Variants in HMCN2 observed in about 807,000 individuals in gnomAD.
HMCN2 encodes the protein hemicentin-2.
Under a neutral mutation model 377.5 loss-of-function variants are expected in HMCN2, and 325 were observed. The observed-to-expected ratio is 0.86, with a 90% CI of 0.79 to 0.94. The LOEUF (loss-of-function observed/expected upper bound fraction) is 0.94. HMCN2 is among the 40% of genes least tolerant of loss of function. The pLI, the probability that HMCN2 is intolerant of heterozygous loss-of-function variation, is 0.00. For synonymous variants in HMCN2, 2,007 were observed against 2,046.8 expected (o/e 0.98, Z 0.53); for missense variants, 4,543 against 4,725.3 (o/e 0.96, Z 1.13).
At chr9:130,329,725 G>A (rs2131430560) in intron 22 of HMCN2, among the ~76,000 whole-genome samples, 1 of 152,292 alleles carries the variant, frequency 6.6e-6, no homozygotes, top group South Asian at 2.1e-4. Flanking sequence ...TTACAGGCGT[G>A]AGCCACTGTG....
At position 130,394,510 on chromosome 9, in the gene HMCN2, C is replaced by A. The variant is rs1473500503; in HGVS notation, c.10627C>A (p.Gln3543Lys). Reference protein sequence around the residue: ...QPNITWHKDGQALTRLENNSR... With the variant: ...QPNITWHKDGKALTRLENNSR... The stretch of plus-strand genomic sequence containing the variant: ...CAACATCACCTGGCATAAGGACGGG[C>A]AGGCCCTGACCAGGCTGGAGAACAA... The change falls in exon 69 of 98, where the codon CAG (glutamine) becomes AAG (lysine). Residue 3543 changes from glutamine to lysine, a missense_variant. Physicochemically the swap from Gln to Lys is moderately conservative, Grantham distance 53. Around this residue, in one of 5 missense-constraint regions of HMCN2, gnomAD observed 1,073 missense variants for 1,319.5 expected, o/e 0.81. Coordinates refer to ENST00000683500, the MANE Select transcript of HMCN2 (RefSeq NM_001291815.2). This position sits in a 1 kb window ranked among gnomAD's most constrained non-coding sequence, Gnocchi z 5.1. The A allele has an allele frequency of 7.8e-7, 1 of 1,289,836 alleles. No individual in the cohort carries two copies. Among genetic ancestry groups the A allele is most frequent in the Non-Finnish European group, 1.0e-6 (1 of 988,866 alleles). The allele number at this position is 1,289,836 out of a possible 1,614,324, so 79.9% of individuals were successfully genotyped here. A position where few individuals can be genotyped will look rare whatever the true frequency, so the allele number is the denominator to read the frequency against.
chr9:130,327,055 C>T (rs1187839423), intron 21 of HMCN2, among the ~76,000 whole-genome samples: 4 of 141,286 alleles, frequency 2.8e-5, no homozygotes, highest in South Asian at 5.2e-4. Context: ...CAGGAGGGAC[C>T]GGGTCAGGGT....
Position 130,303,400 on chromosome 9 carries a change from T to C in HMCN2, c.1422-87T>C, listed in dbSNP as rs1278656094. 2.9e-6 allele frequency: 1 copy of C among 339,588 alleles called. No individual in the cohort carries two copies. The highest frequency in any genetic ancestry group is 6.3e-6 in the Non-Finnish European group (1 of 158,858). The allele number at this position is 339,588 out of a possible 1,614,324, so 21.0% of individuals were successfully genotyped here. On this transcript the variant is annotated intron_variant, in intron 9 of 97. Transcript: ENST00000683500. The surrounding 1 kb of genome is among the most constrained non-coding windows in gnomAD (Gnocchi z 5.2). ...CACAGAGGAATTGGGGTCTCTCGTT[T>C]GGGCAGGATTCAGGGGACTGAAGTC...
chr9:130,348,948 C>T (rs1279877606), intron 27 of HMCN2, 36 bp from the exon 28 acceptor site: 1 of 1,293,882 alleles, frequency 7.7e-7, no homozygotes, highest in East Asian at 5.6e-5. Context: ...TGGCTGGATC[C>T]CCTCTTACTG....
Position 130,361,858 on chromosome 9 carries a change from G to T in HMCN2, c.5951-150G>T. ...AAGGATGGAAGTAGCAGCCTTGGGG[G>T]CAGTGGAGTGGCTCAGAGCCCGTGT... On this transcript the variant is annotated intron_variant, in intron 38 of 97. Transcript: ENST00000683500. This position sits in a 1 kb window ranked among gnomAD's most constrained non-coding sequence, Gnocchi z 4.8. 1 of 262,908 alleles carries T rather than the reference G, an allele frequency of 3.8e-6. No individual in the cohort carries two copies. The highest frequency in any genetic ancestry group is 5.9e-6 in the Non-Finnish European group (1 of 169,332). The allele number at this position is 262,908 out of a possible 1,614,324, so 16.3% of individuals were successfully genotyped here.
intron 15 of HMCN2, among the ~76,000 whole-genome samples, chr9:130,314,770 G>A (rs1304018484): frequency 6.6e-6 from 1 of 152,192 alleles, no homozygotes; most frequent in Non-Finnish European, 1.5e-5. Flanking sequence ...GCAGAGGCTG[G>A]GGTGTGGACT....
chr9:130,405,978 C>T lies in HMCN2; in HGVS notation c.12363C>T (p.Thr4121=), dbSNP rs963507595. 1.6e-6 allele frequency: 2 copies of T among 1,289,452 alleles called. No individual in the cohort carries two copies. The highest frequency in any genetic ancestry group is 2.0e-6 in the Non-Finnish European group (2 of 988,716). 79.9% of individuals were successfully genotyped at this position (1,289,452 alleles called of 1,614,324 possible). The change falls in exon 82 of 98, where the codon ACC becomes ACT. Residue 4121 remains threonine, a synonymous_variant. Coordinates refer to ENST00000683500, the MANE Select transcript of HMCN2 (RefSeq NM_001291815.2). The part of the protein sequence containing the change: ...NLEGQDAGTY[T]CTAENAVGRA... The stretch of plus-strand genomic sequence containing the variant: ...AGGGCCAGGACGCAGGCACCTATAC[C>T]TGTACCGCTGAGAACGCCGTGGGCC...
intron 48 of HMCN2, among the ~76,000 whole-genome samples, chr9:130,373,707 AGATG>A (rs942219791): frequency 8.7e-6 from 1 of 115,354 alleles, no homozygotes; most frequent in African/African-American, 3.2e-5. Flanking sequence ...ATGGATAGGT[AGATG>A]GATGGATGGA....
Position 130,337,707 on chromosome 9 carries a change from T to G in HMCN2, c.3360-187T>G, listed in dbSNP as rs992274014. ...CAGTGCTCTTCTTCTCTTACACCAG[T>G]AGGCGTGAGAACTGGCCCTGGCCTG... On this transcript the variant is annotated intron_variant, in intron 22 of 97. Transcript: ENST00000683500. Among the ~76,000 whole-genome samples, 19 of 138,048 alleles carry G rather than the reference T, an allele frequency of 1.4e-4. 1 individual carries two copies. Among genetic ancestry groups the G allele is most frequent in the Admixed American group, 4.0e-4 (5 of 12,356 alleles). 90.6% of individuals were successfully genotyped at this position (138,048 alleles called of 152,430 possible).
At chr9:130,345,669 G>T (rs905585232) in intron 25 of HMCN2, among the ~76,000 whole-genome samples, 1 of 151,746 alleles carries the variant, frequency 6.6e-6, no homozygotes, top group Non-Finnish European at 1.5e-5. Flanking sequence ...AGTGGGGAGT[G>T]GGGGTAGCAG....
intron 1 of HMCN2, among the ~76,000 whole-genome samples, chr9:130,277,922 T>C (rs28409546): frequency 0.016 from 145 of 9,076 alleles, 29 homozygotes; most frequent in African/African-American, 0.045. Context: ...ACCACCACCA[T>C]CATCATCATC....
chr9:130,424,214 T>C (rs7874171), intron 87 of HMCN2, among the ~76,000 whole-genome samples: 24,074 of 149,062 alleles, frequency 0.16, 2,483 homozygotes, highest in East Asian at 0.41. Context: ...AGTCTCGCTC[T>C]GTCACCCAGG....
intron 75 of HMCN2, 141 bp downstream of exon 75, chr9:130,398,848 T>G (rs1201555957): frequency 2.8e-6 from 2 of 706,650 alleles, no homozygotes; most frequent in African/African-American, 3.7e-5. Flanking sequence ...TGTCTCAACT[T>G]TGGGGATCAG....
At chr9:130,337,444 G>T (rs1299603801) in intron 22 of HMCN2, among the ~76,000 whole-genome samples, 2 of 152,144 alleles carry the variant, frequency 1.3e-5, no homozygotes, top group African/African-American at 4.8e-5. Context: ...TGTGGCAGAG[G>T]AGGGGGAGTT....
At chr9:130,298,045 C>T (rs1836262787) in intron 7 of HMCN2, among the ~76,000 whole-genome samples, 1 of 152,190 alleles carries the variant, frequency 6.6e-6, no homozygotes, top group Non-Finnish European at 1.5e-5. Context: ...ACCTCTGCCT[C>T]CTGGATTCAA....
chr9:130,419,713 C>G (rs11791566), intron 86 of HMCN2: 3 of 146,150 alleles, frequency 2.1e-5, no homozygotes, highest in African/African-American at 8.4e-5. Context: ...GGAACACTCC[C>G]TATGTGTGGC....
At position 130,407,724 on chromosome 9, in the gene HMCN2, G is replaced by A; in HGVS notation, c.12688+19G>A. ...GTGAAGGGTAGGGCACATTCCCCAG[G>A]TGGCTTCTCTCTCAAGACCTCCAGT... On this transcript the variant is annotated intron_variant, in intron 83 of 97. Coordinates refer to ENST00000683500, the MANE Select transcript of HMCN2 (RefSeq NM_001291815.2). The A allele has an allele frequency of 8.4e-7, 1 of 1,190,398 alleles. No individual in the cohort carries two copies. The highest frequency in any genetic ancestry group is 1.1e-6 in the Non-Finnish European group (1 of 938,412). The allele number at this position is 1,190,398 out of a possible 1,614,324, so 73.7% of individuals were successfully genotyped here. A position where few individuals can be genotyped will look rare whatever the true frequency, so the allele number is the denominator to read the frequency against.
intron 22 of HMCN2, among the ~76,000 whole-genome samples, chr9:130,337,330 G>A (rs1386991853): frequency 1.3e-5 from 2 of 152,150 alleles, no homozygotes; most frequent in African/African-American, 4.8e-5. Context: ...AGTTCTGGAC[G>A]TAAGAGCACC....
Position 130,348,598 on chromosome 9 carries a change from G to A in HMCN2, c.4078G>A (p.Gly1360Arg), listed in dbSNP as rs767221414. ...CAAGGCCAACGTGTCGGGTATGGCC[G>A]GGCAGTCCCTGACGCTGGAGTGTGA... Reference protein sequence around the residue: ...GRKANVSGMAGQSLTLECDAN... With the variant: ...GRKANVSGMARQSLTLECDAN... Residue 1360 changes from glycine (G) to arginine (R), a missense_variant, in exon 27 of 98, where the codon GGG (glycine) becomes AGG (arginine). Physicochemically the swap from Gly to Arg is moderately radical, Grantham distance 125 (BLOSUM62 -2). Transcript: ENST00000683500. The A allele has an allele frequency of 8.7e-5, 113 of 1,304,304 alleles. No homozygotes were observed. The highest frequency in any genetic ancestry group is 2.1e-4 in the African/African-American group (14 of 66,016). The allele number at this position is 1,304,304 out of a possible 1,614,324, so 80.8% of individuals were successfully genotyped here. A position where few individuals can be genotyped will look rare whatever the true frequency, so the allele number is the denominator to read the frequency against.
Sources: allele counts gnomAD v4.1 joint callset (sites outside exome capture counted in the v4.1 genomes callset), GRCh38; gene constraint gnomAD v4.1.1; regional missense constraint gnomAD v4.1.1; non-coding constraint Gnocchi (gnomAD v3.1); transcripts MANE v1.5; gene names NCBI Gene and HGNC (gene_info 2026-07-23, HGNC 2026-07-21).